RAPGEF4: variants seen among roughly 807,000 people sequenced by gnomAD.
RAPGEF4 encodes the protein Rap guanine nucleotide exchange factor 4.
RAPGEF4 carries 66 observed loss-of-function variants against 147.9 expected under a neutral mutation model. The ratio of observed to expected loss-of-function variants is 0.45; its 90% CI spans 0.37 to 0.55. RAPGEF4 has a LOEUF of 0.55. Among genes scored for constraint, RAPGEF4 ranks in the 20% least tolerant of loss-of-function variants. RAPGEF4 has a pLI of 0.00. For missense variants in RAPGEF4, 1,071 were observed against 1,257.3 expected (o/e 0.85, Z 2.24); for synonymous variants, 419 against 442.7 (o/e 0.95, Z 0.67).
intron 2 of RAPGEF4, 57 bp from the exon 3 acceptor site, chr2:172,797,468 C>G (rs1686492277): frequency 7.1e-7 from 1 of 1,404,576 alleles, no homozygotes; most frequent in Admixed American, 1.9e-5. Flanking sequence ...ACTGGCAGAT[C>G]ATATAGTAAA....
chr2:172,949,533 G>T (rs1688008459), intron 6 of RAPGEF4, among the ~76,000 whole-genome samples: 1 of 152,134 alleles, frequency 6.6e-6, no homozygotes, highest in South Asian at 2.1e-4. Context: ...CATTGATTAT[G>T]AATCTTCAAA....
chr2:172,843,742 A>AT (rs11370778), intron 4 of RAPGEF4, among the ~76,000 whole-genome samples: 152,366 of 152,366 alleles, frequency 1, 76,183 homozygotes, highest in Non-Finnish European at 1. Context: ...TGATTTTGAG[A>AT]TCTAGATCTG....
intron 25 of RAPGEF4, 70 bp from the exon 26 acceptor site, chr2:173,030,094 T>G: frequency 9.5e-7 from 1 of 1,051,738 alleles, no homozygotes; most frequent in Non-Finnish European, 1.5e-6. Context: ...TATCAGAAAA[T>G]AGAACTCTAA....
intron 4 of RAPGEF4, among the ~76,000 whole-genome samples, chr2:172,859,533 T>C (rs927192019): frequency 3.9e-5 from 6 of 152,372 alleles, no homozygotes; most frequent in Middle Eastern, 3.4e-3. Flanking sequence ...ATTTGTTTGA[T>C]GGATCTGCCC....
intron 1 of RAPGEF4, among the ~76,000 whole-genome samples, chr2:172,741,086 G>A (rs929226697): frequency 6.6e-6 from 1 of 152,166 alleles, no homozygotes; most frequent in African/African-American, 2.4e-5. Flanking sequence ...TCTTCCTAGA[G>A]CAACAGAGCC....
chr2:172,744,156 A>C (rs1694558356), intron 1 of RAPGEF4: 1 of 224,812 alleles, frequency 4.4e-6, no homozygotes, highest in South Asian at 5.7e-5. Context: ...GTCCTTTTCC[A>C]CATCTAACCA....
Position 172,983,526 on chromosome 2 carries a change from G to A in RAPGEF4, c.1035G>A (p.Glu345=). Residue 345 remains glutamate, a synonymous_variant, in exon 11 of 31, where the codon GAG becomes GAA. Transcript: ENST00000397081. ...PPGQRTVDDL[E]IIYEELLHIK... ...GCCAGAGGACTGTGGATGACCTAGAGATTATCTATGAGGAGCTTCTTCATA... is the reference window on the plus strand; with the variant it reads ...GCCAGAGGACTGTGGATGACCTAGAAATTATCTATGAGGAGCTTCTTCATA... 4.3e-6 allele frequency: 7 copies of A among 1,612,566 alleles called. No individual in the cohort carries two copies. The highest frequency in any genetic ancestry group is 5.9e-6 in the Non-Finnish European group (7 of 1,179,814).
chr2:172,827,839 C>T (rs1196957561), intron 4 of RAPGEF4, among the ~76,000 whole-genome samples: 1 of 152,168 alleles, frequency 6.6e-6, no homozygotes, highest in Non-Finnish European at 1.5e-5. Context: ...AGCAGGGGTT[C>T]AAATCCCTCA....
At chr2:173,033,766 A>G (rs908972439) in intron 26 of RAPGEF4, 148 bp from the exon 27 acceptor site, 2 of 720,764 alleles carry the variant, frequency 2.8e-6, no homozygotes, top group African/African-American at 3.6e-5. Context: ...TTATTCTCAA[A>G]TGGCAAGACA....
intron 25 of RAPGEF4, among the ~76,000 whole-genome samples, chr2:173,029,307 C>T (rs1457319762): frequency 6.6e-6 from 1 of 152,210 alleles, no homozygotes. Context: ...ATGATATGGT[C>T]AATTTCGATA....
Position 173,042,566 on chromosome 2 carries a change from TGAGCC to T in RAPGEF4, c.2853+5878_2853+5882del, listed in dbSNP as rs2106050374. Among the ~76,000 whole-genome samples, 2 of 151,868 alleles carry T rather than the reference TGAGCC, an allele frequency of 1.3e-5. No individual in the cohort carries two copies. Among genetic ancestry groups the T allele is most frequent in the South Asian group, 4.2e-4 (2 of 4,806 alleles). Reference sequence around the variant, plus strand: ...TGAACCCAGGTGGCAGAGGTTGCAGTGAGCCGAGATCGTGCCACTGCACTCCAACC... The same window carrying T: ...TGAACCCAGGTGGCAGAGGTTGCAGTGAGATCGTGCCACTGCACTCCAACC... On this transcript the variant is annotated intron_variant, in intron 29 of 30. Coordinates refer to ENST00000397081, the MANE Select transcript of RAPGEF4 (RefSeq NM_007023.4). The surrounding 1 kb of genome is among the most constrained non-coding windows in gnomAD (Gnocchi z 4.2).
At chr2:172,758,705 T>C (rs1250372555) in intron 1 of RAPGEF4, among the ~76,000 whole-genome samples, 2 of 152,088 alleles carry the variant, frequency 1.3e-5, no homozygotes, top group Non-Finnish European at 2.9e-5. Flanking sequence ...TTTGGAGGAC[T>C]GTGGGTCATC....
chr2:172,856,726 A>T lies in RAPGEF4; in HGVS notation c.444+42301A>T, dbSNP rs556663658. The stretch of plus-strand genomic sequence containing the variant: ...ACTGGGATCAGTCAGAGATTTGGTC[A>T]GATCTCATGTAGTCAATCTGGGGCT... On this transcript the variant is annotated intron_variant, in intron 4 of 30. Coordinates refer to ENST00000397081, the MANE Select transcript of RAPGEF4 (RefSeq NM_007023.4). Among the ~76,000 whole-genome samples the T allele has an allele frequency of 5.1e-3, 784 of 152,264 alleles. 3 individuals carry two copies. Among genetic ancestry groups the T allele is most frequent in the Non-Finnish European group, 7.0e-3 (479 of 68,012 alleles).
intron 1 of RAPGEF4, among the ~76,000 whole-genome samples, chr2:172,764,159 T>C (rs1355585736): frequency 1.3e-5 from 2 of 151,836 alleles, no homozygotes; most frequent in Non-Finnish European, 2.9e-5. Context: ...GAGACTGAAG[T>C]GGCAGGATCG....
At chr2:172,745,300 T>A (rs1312985969) in intron 1 of RAPGEF4, among the ~76,000 whole-genome samples, 1 of 152,142 alleles carries the variant, frequency 6.6e-6, no homozygotes, top group Non-Finnish European at 1.5e-5. Context: ...TCATGTCAGT[T>A]TTTATAGTTA....
At chr2:172,800,530 C>T (rs1686869153) in intron 3 of RAPGEF4, among the ~76,000 whole-genome samples, 1 of 152,112 alleles carries the variant, frequency 6.6e-6, no homozygotes, top group South Asian at 2.1e-4. Context: ...CCATACAAGT[C>T]AGGGTTCTTC....
chr2:172,743,288 C>A (rs1215636948), intron 1 of RAPGEF4, among the ~76,000 whole-genome samples: 5 of 152,126 alleles, frequency 3.3e-5, no homozygotes, highest in Non-Finnish European at 7.4e-5. Context: ...AGCTGAACAT[C>A]TGACAGAAAA....
intron 6 of RAPGEF4, among the ~76,000 whole-genome samples, chr2:172,930,423 C>G (rs1180612848): frequency 1.3e-5 from 2 of 152,124 alleles, no homozygotes; most frequent in African/African-American, 4.8e-5. Context: ...AAATACAGAA[C>G]TAGCTTGAGT....
rs1226276339 is a variant in RAPGEF4, at chr2:173,018,769, G to A, written c.2122G>A (p.Gly708Ser). ...TGCCGACAAGCTGGGCTCCGGGGAG[G>A]GCCTGATCATAGTCAAGATGAGTTC... ...AVADKLGSGE[G>S]LIIVKMSSGG... is the part of the protein sequence containing the mutation. The change falls in exon 22 of 31, where the codon GGC (glycine) becomes AGC (serine). Residue 708 changes from glycine to serine, a missense_variant. By Grantham distance (56) the Gly-to-Ser change is moderately conservative (BLOSUM62 0). Coordinates refer to ENST00000397081, the MANE Select transcript of RAPGEF4 (RefSeq NM_007023.4). The A allele has an allele frequency of 6.2e-7, 1 of 1,613,856 alleles. No homozygotes were observed. The highest frequency in any genetic ancestry group is 1.3e-5 in the African/African-American group (1 of 74,852).
Sources: gnomAD v4.1 joint callset for allele counts (sites outside exome capture counted in the v4.1 genomes callset) on GRCh38, gnomAD v4.1.1 for gene constraint, Gnocchi (gnomAD v3.1) non-coding constraint, MANE v1.5 for transcripts, NCBI Gene and HGNC (gene_info 2026-07-23, HGNC 2026-07-21) for gene names.